The following SYCP1 variants were observed in gnomAD, a reference collection of about 807,000 sequenced individuals.
The protein encoded by SYCP1 is synaptonemal complex protein 1.
A neutral mutation model predicts 153.1 loss-of-function variants in SYCP1; 64 were observed. That is an observed-to-expected ratio of 0.42 (90% CI 0.34 to 0.51). The LOEUF is 0.51. Ranked by LOEUF, SYCP1 falls within the 20% of genes least tolerant of loss-of-function variation. SYCP1 has a pLI of 0.06. For synonymous variants in SYCP1, 384 were observed against 341.8 expected, an observed-to-expected ratio of 1.12 and a Z score of -1.36; for missense variants, 997 against 1,049.0, an observed-to-expected ratio of 0.95 and a Z score of 0.68.
intron 5 of SYCP1, 85 bp from the exon 6 acceptor site, chr1:114,858,462 A>G: frequency 8.9e-7 from 1 of 1,129,584 alleles, no homozygotes; most frequent in Non-Finnish European, 1.2e-6. Flanking sequence ...CTCAACTATT[A>G]GTATATGGAT....
At chr1:114,893,963 T>A (rs957575639) in intron 15 of SYCP1, among the ~76,000 whole-genome samples, 1 of 151,666 alleles carries the variant, frequency 6.6e-6, no homozygotes, top group Non-Finnish European at 1.5e-5. Context: ...TTAGTGTGAG[T>A]TGTTTTTTTT....
At chr1:114,894,983 A>G (rs560677770) in intron 15 of SYCP1, among the ~76,000 whole-genome samples, 97 of 152,126 alleles carry the variant, frequency 6.4e-4, no homozygotes, top group Non-Finnish European at 1.2e-3. Flanking sequence ...ATTCCTCTAC[A>G]TAGAATCTGT....
At chr1:114,881,074 C>T (rs182221160) in intron 12 of SYCP1, among the ~76,000 whole-genome samples, 4,305 of 151,656 alleles carry the variant, frequency 0.028, 95 homozygotes, top group Non-Finnish European at 0.046. Flanking sequence ...CACACACACA[C>T]ACACACACAC....
intron 27 of SYCP1, among the ~76,000 whole-genome samples, chr1:114,960,309 A>AGCT (rs1424664002): frequency 2.0e-5 from 3 of 151,892 alleles, no homozygotes; most frequent in African/African-American, 7.3e-5. Flanking sequence ...CTGGGATCAC[A>AGCT]GGCATGCACC....
intron 27 of SYCP1, among the ~76,000 whole-genome samples, chr1:114,964,167 T>C (rs556067178): frequency 2.4e-4 from 36 of 152,258 alleles, no homozygotes; most frequent in Non-Finnish European, 4.6e-4. Context: ...TGCAAAAATG[T>C]CTTCTTTTGA....
chr1:114,974,048 T>C (rs1053210194), intron 27 of SYCP1, among the ~76,000 whole-genome samples: 1 of 151,902 alleles, frequency 6.6e-6, no homozygotes, highest in Non-Finnish European at 1.5e-5. Context: ...CTGGTATTCA[T>C]ATTGTGACCC....
intron 8 of SYCP1, among the ~76,000 whole-genome samples, chr1:114,861,021 G>A (rs1664336376): frequency 2.6e-5 from 4 of 151,954 alleles, no homozygotes; most frequent in Admixed American, 2.6e-4. Context: ...TATGTCAAAG[G>A]GTATATTCTT....
chr1:114,882,118 G>A (rs1396949628), intron 12 of SYCP1, among the ~76,000 whole-genome samples: 3 of 152,076 alleles, frequency 2.0e-5, no homozygotes, highest in Admixed American at 1.3e-4. Context: ...CCAGGAGTTC[G>A]AGGTTACAGT....
Position 114,885,525 on chromosome 1 carries a change from T to G in SYCP1, c.911-10T>G. 6.8e-7 allele frequency: 1 copy of G among 1,477,616 alleles called. No homozygotes were observed. The highest frequency in any genetic ancestry group is 9.3e-7 in the Non-Finnish European group (1 of 1,072,550). The allele number at this position is 1,477,616 out of a possible 1,614,324, so 91.5% of individuals were successfully genotyped here. On this transcript the variant is annotated splice_polypyrimidine_tract_variant and intron_variant, in intron 12 of 31. Transcript: ENST00000369522. ...GCTAAGTACTATCTATTTATAACTT[T>G]CTCTTTTAGAATTACAGAGTGAAAA... is the stretch of plus-strand genomic sequence containing the variant.
At chr1:114,865,802 T>C (rs1008181793) in intron 8 of SYCP1, among the ~76,000 whole-genome samples, 1 of 152,146 alleles carries the variant, frequency 6.6e-6, no homozygotes, top group African/African-American at 2.4e-5. Flanking sequence ...TAATACAGAA[T>C]AGTTTCATTG....
intron 30 of SYCP1, among the ~76,000 whole-genome samples, chr1:114,992,239 G>T (rs767772546): frequency 6.6e-6 from 1 of 151,620 alleles, no homozygotes; most frequent in South Asian, 2.1e-4. Flanking sequence ...CAAATCTCCA[G>T]ATTCAATGCA....
At chr1:114,934,537 A>G (rs543452734) in intron 23 of SYCP1, among the ~76,000 whole-genome samples, 1 of 152,348 alleles carries the variant, frequency 6.6e-6, no homozygotes, top group African/African-American at 2.4e-5. Flanking sequence ...TCATAATGAC[A>G]GGATCAAATT....
chr1:114,990,327 T>C (rs951743707), intron 30 of SYCP1, among the ~76,000 whole-genome samples: 6 of 151,952 alleles, frequency 3.9e-5, no homozygotes, highest in East Asian at 1.9e-4. Flanking sequence ...CCTAAACTTA[T>C]GGGATACAGC....
At chr1:114,870,133 C>T (rs1261425847) in intron 8 of SYCP1, among the ~76,000 whole-genome samples, 1 of 152,026 alleles carries the variant, frequency 6.6e-6, no homozygotes, top group Non-Finnish European at 1.5e-5. Flanking sequence ...CTTACCTCAG[C>T]CTCTTGAGTA....
At position 114,906,918 on chromosome 1, in the gene SYCP1, T is replaced by C. The variant is rs1021146753; in HGVS notation, c.1321-3479T>C. ...TTTTGGGTCTAATTCTATTATTTAC[T>C]GAGAGAAGAGTTAAAACTAGTAGGA... On this transcript the variant is annotated intron_variant, in intron 16 of 31. Transcript: ENST00000369522. 2.0e-5 allele frequency among the ~76,000 whole-genome samples: 3 copies of C among 152,210 alleles called. No individual in the cohort carries two copies. The East Asian group carries it at 5.8e-4, about 29-fold the overall frequency.
intron 27 of SYCP1, among the ~76,000 whole-genome samples, chr1:114,950,536 T>A (rs2101843424): frequency 6.6e-6 from 1 of 152,272 alleles, no homozygotes; most frequent in South Asian, 2.1e-4. Flanking sequence ...TCCATCTGCT[T>A]TCCAACTTTC....
intron 20 of SYCP1, among the ~76,000 whole-genome samples, chr1:114,919,056 G>T (rs755125421): frequency 1.3e-5 from 2 of 151,964 alleles, no homozygotes; most frequent in Non-Finnish European, 1.5e-5. Context: ...AATAACAGTG[G>T]TGAAAGTGGG....
chr1:114,962,825 T>A (rs572591441), intron 27 of SYCP1, among the ~76,000 whole-genome samples: 1 of 152,334 alleles, frequency 6.6e-6, no homozygotes, highest in South Asian at 2.1e-4. Flanking sequence ...TGTTTCAAGA[T>A]GTAGAGCTCC....
In SYCP1 at chr1:114,913,144, T is replaced by C; in HGVS notation, c.1641T>C (p.Asp547=). 1 of 1,608,964 alleles carries C rather than the reference T, an allele frequency of 6.2e-7. No homozygotes were observed. The highest frequency in any genetic ancestry group is 8.5e-7 in the Non-Finnish European group (1 of 1,176,724). ...TAGAACTCAAGAATCAGCAAGAAGA[T>C]ATTAATGTGAGTTGAAAAAGAAAGT... ...MTLELKNQQE[D]INNNKKQEER... Residue 547 remains aspartate (D), a synonymous_variant, in exon 19 of 32, where the codon GAT becomes GAC. Coordinates refer to ENST00000369522, the MANE Select transcript of SYCP1 (RefSeq NM_003176.4).
Sources: gnomAD v4.1 joint callset for allele counts (sites outside exome capture counted in the v4.1 genomes callset) on GRCh38, gnomAD v4.1.1 for gene constraint, MANE v1.5 for transcripts, NCBI Gene and HGNC (gene_info 2026-07-23, HGNC 2026-07-21) for gene names.